The following TAF12 variants were observed in gnomAD, a reference collection of about 807,000 sequenced individuals.
TAF12 encodes the protein transcription initiation factor TFIID subunit 12.
TAF12 carries 3 observed loss-of-function variants against 20.8 expected under a neutral mutation model. The observed-to-expected ratio is 0.14, with a 90% CI of 0.07 to 0.37. TAF12 has a LOEUF of 0.37. Ranked by LOEUF, TAF12 falls within the 10% of genes least tolerant of loss-of-function variation. TAF12 has a pLI of 1.00. For missense variants in TAF12, 131 were observed against 197.9 expected (o/e 0.66, Z 2.03); for synonymous variants, 69 against 70.2 (o/e 0.98, Z 0.09).
upstream of TAF12, among the ~76,000 whole-genome samples, chr1:28,644,868 A>C (rs1369245198): frequency 1.3e-5 from 2 of 152,162 alleles, no homozygotes; most frequent in African/African-American, 4.8e-5. Context: ...TTCAGTATGC[A>C]ATGGGAAGGT....
intron 1 of TAF12, among the ~76,000 whole-genome samples, chr1:28,642,249 G>A (rs924845853): frequency 1.3e-5 from 2 of 152,178 alleles, no homozygotes; most frequent in African/African-American, 4.8e-5. Context: ...TAGGCAGTGC[G>A]AAGGAGAAGT....
At chr1:28,646,004 G>A (rs1668177115), upstream of TAF12, 1 of 151,848 alleles carries the variant, frequency 6.6e-6, no homozygotes, top group Non-Finnish European at 1.5e-5. Flanking sequence ...CAGATGTGGT[G>A]GCTTTACACC....
intron 3 of TAF12, among the ~76,000 whole-genome samples, chr1:28,617,372 C>G (rs1239054810): frequency 6.6e-6 from 1 of 151,966 alleles, no homozygotes; most frequent in East Asian, 1.9e-4. Flanking sequence ...GCAACCTCGG[C>G]CTTCTGGGTT....
upstream of TAF12, among the ~76,000 whole-genome samples, chr1:28,645,540 CA>C (rs1459532659): frequency 6.6e-6 from 1 of 151,760 alleles, no homozygotes; most frequent in African/African-American, 2.4e-5. Flanking sequence ...CCCAGCTACT[CA>C]GGAGGCTGCG....
intron 5 of TAF12, among the ~76,000 whole-genome samples, chr1:28,604,577 T>C (rs1666603326): frequency 6.6e-6 from 1 of 152,238 alleles, no homozygotes; most frequent in Non-Finnish European, 1.5e-5. Context: ...GACTCTCTTC[T>C]GAACAGTGCA....
intron 3 of TAF12, among the ~76,000 whole-genome samples, chr1:28,615,477 G>A (rs1377834524): frequency 6.6e-6 from 1 of 151,848 alleles, no homozygotes; most frequent in African/African-American, 2.4e-5. Context: ...TCAGGAGTTC[G>A]AGACTAGCTT....
At chr1:28,603,746 A>C (rs2124284652) in intron 5 of TAF12, among the ~76,000 whole-genome samples, 172 bp from the exon 6 acceptor site, 1 of 152,272 alleles carries the variant, frequency 6.6e-6, no homozygotes, top group African/African-American at 2.4e-5. Context: ...AGCAGTCTGC[A>C]AGGCCCCAAG....
intron 1 of TAF12, among the ~76,000 whole-genome samples, chr1:28,639,221 A>C (rs1465398658): frequency 1.3e-5 from 2 of 151,508 alleles, no homozygotes; most frequent in Non-Finnish European, 2.9e-5. Context: ...GTTCGAGACA[A>C]GCCTGGCCAA....
At chr1:28,638,635 G>A (rs965265000) in intron 1 of TAF12, among the ~76,000 whole-genome samples, 3 of 148,142 alleles carry the variant, frequency 2.0e-5, no homozygotes, top group Non-Finnish European at 4.4e-5. Flanking sequence ...ATAAGCACAC[G>A]CCACTATGTC....
At chr1:28,643,806 C>CT (rs1277600958), upstream of TAF12, among the ~76,000 whole-genome samples, 4 of 152,200 alleles carry the variant, frequency 2.6e-5, no homozygotes, top group African/African-American at 9.6e-5. Flanking sequence ...AATCCCAGCA[C>CT]TTTGGGAGGC....
In TAF12 at chr1:28,643,064, G is replaced by A. The variant is rs775186924; in HGVS notation, c.-157C>T. The A allele has an allele frequency of 6.1e-6, 6 of 985,780 alleles. No homozygotes were observed. Among genetic ancestry groups the A allele is most frequent in the Admixed American group, 6.2e-5 (1 of 16,260 alleles). The allele number at this position is 985,780 out of a possible 1,614,324, so 61.1% of individuals were successfully genotyped here. ...AAGCGTTCGTCTCAGCAGCCGGTCCGACTGCGCGGCCCTCCCCGACTACTT... is the reference window on the plus strand; with the variant it reads ...AAGCGTTCGTCTCAGCAGCCGGTCCAACTGCGCGGCCCTCCCCGACTACTT... On this transcript the variant is annotated 5_prime_UTR_variant, in exon 1 of 6. Coordinates refer to ENST00000373824, the MANE Select transcript of TAF12 (RefSeq NM_005644.4).
chr1:28,625,698 C>T (rs1027884624), intron 1 of TAF12, among the ~76,000 whole-genome samples: 3 of 152,002 alleles, frequency 2.0e-5, no homozygotes, highest in African/African-American at 7.2e-5. Flanking sequence ...CCCACCACCA[C>T]GCCCAGCTAT....
intron 1 of TAF12, among the ~76,000 whole-genome samples, chr1:28,625,628 G>A (rs1045578973): frequency 2.1e-5 from 3 of 145,566 alleles, no homozygotes; most frequent in East Asian, 2.0e-4. Context: ...TGCAAGCTCC[G>A]CCTCCTGGGT....
At chr1:28,630,300 G>C (rs1437340210) in intron 1 of TAF12, among the ~76,000 whole-genome samples, 1 of 152,160 alleles carries the variant, frequency 6.6e-6, no homozygotes, top group Non-Finnish European at 1.5e-5. Context: ...GCTCACGCCT[G>C]TAATTTCAGC....
intron 1 of TAF12, among the ~76,000 whole-genome samples, chr1:28,640,121 G>A (rs886793743): frequency 6.6e-5 from 10 of 152,180 alleles, no homozygotes; most frequent in Non-Finnish European, 1.3e-4. Flanking sequence ...GGGATTACAG[G>A]TGTGAGCCAT....
intron 1 of TAF12, among the ~76,000 whole-genome samples, chr1:28,637,054 C>A (rs1667855538): frequency 6.6e-6 from 1 of 152,040 alleles, no homozygotes; most frequent in Admixed American, 6.6e-5. Context: ...TGTGCTGGCA[C>A]CATATAAGTG....
At chr1:28,633,000 A>C (rs1472191763) in intron 1 of TAF12, among the ~76,000 whole-genome samples, 2 of 151,786 alleles carry the variant, frequency 1.3e-5, no homozygotes, top group Non-Finnish European at 2.9e-5. Flanking sequence ...AGTAGCTCGG[A>C]TTACAGGTAT....
At position 28,636,594 on chromosome 1, in the gene TAF12, A is replaced by G. The variant is rs114395747; in HGVS notation, c.-85+6398T>C. On this transcript the variant is annotated intron_variant, in intron 1 of 5. Transcript: ENST00000373824. ...CACTTGAACCTAGGAGTTTGAGACC[A>G]GCCTGGGCAACATAGTGAGATCTGG... 5.6e-4 allele frequency among the ~76,000 whole-genome samples: 85 copies of G among 152,020 alleles called. 1 individual carries two copies. Among genetic ancestry groups the G allele is most frequent in the Non-Finnish European group, 1.0e-3 (71 of 67,962 alleles).
intron 3 of TAF12, among the ~76,000 whole-genome samples, chr1:28,613,898 A>C (rs1213667903): frequency 1.3e-5 from 2 of 152,234 alleles, no homozygotes; most frequent in Non-Finnish European, 2.9e-5. Flanking sequence ...ACTTGAGGTC[A>C]GAAGTTCGAG....
Sources: gnomAD v4.1 joint callset for allele counts (sites outside exome capture counted in the v4.1 genomes callset) on GRCh38, gnomAD v4.1.1 for gene constraint, MANE v1.5 for transcripts, NCBI Gene and HGNC (gene_info 2026-07-23, HGNC 2026-07-21) for gene names.